Variants in POLQ observed in about 807,000 individuals in gnomAD.
POLQ encodes DNA polymerase theta, also known as epididymis secretory sperm binding protein.
Under a neutral mutation model 259.2 loss-of-function variants are expected in POLQ, and 233 were observed. The observed-to-expected ratio is 0.90, with a 90% CI of 0.81 to 1.00. The LOEUF is 1.00. Ranked by LOEUF, POLQ falls within the 50% of genes least tolerant of loss-of-function variation. The pLI, the probability that POLQ is intolerant of heterozygous loss-of-function variation, is 0.00. For synonymous variants in POLQ, 1,025 were observed against 1,048.8 expected (o/e 0.98, Z 0.44); for missense variants, 2,871 against 3,051.6 (o/e 0.94, Z 1.39).
chr3:121,480,267 A>G (rs2047960150), intron 19 of POLQ, among the ~76,000 whole-genome samples: 1 of 152,130 alleles, frequency 6.6e-6, no homozygotes, highest in African/African-American at 2.4e-5. Context: ...CAGTTAAAAT[A>G]TCTTTCTATG....
intron 14 of POLQ, 110 bp downstream of exon 14, chr3:121,496,698 T>C: frequency 8.9e-7 from 1 of 1,119,740 alleles, no homozygotes; most frequent in Non-Finnish European, 1.3e-6. Flanking sequence ...TACAAAGTTT[T>C]AGCACTTTTA....
chr3:121,522,347 C>A (rs1471170946), intron 7 of POLQ, among the ~76,000 whole-genome samples, 198 bp from the exon 8 acceptor site: 1 of 87,646 alleles, frequency 1.1e-5, no homozygotes, highest in East Asian at 5.2e-4. Context: ...CTCTGTCGCC[C>A]AGGCCGGACT....
At chr3:121,454,332 C>A (rs1307810797) in intron 25 of POLQ, among the ~76,000 whole-genome samples, 10 of 152,134 alleles carry the variant, frequency 6.6e-5, no homozygotes, top group Non-Finnish European at 1.5e-4. Flanking sequence ...AACTAATGAG[C>A]AAAATAACCA....
At chr3:121,442,599 C>T (rs1285847144) in intron 26 of POLQ, among the ~76,000 whole-genome samples, 2 of 152,112 alleles carry the variant, frequency 1.3e-5, no homozygotes, top group East Asian at 3.9e-4. Context: ...CAGTTCCATC[C>T]CTGTTGTTGC....
At chr3:121,516,479 C>T (rs1055164613) in intron 9 of POLQ, among the ~76,000 whole-genome samples, 6 of 152,092 alleles carry the variant, frequency 3.9e-5, no homozygotes, top group Non-Finnish European at 7.4e-5. Flanking sequence ...CCTGAATGGG[C>T]AAGGTTTATA....
At chr3:121,454,993 C>A (rs2047719922) in intron 25 of POLQ, among the ~76,000 whole-genome samples, 1 of 152,122 alleles carries the variant, frequency 6.6e-6, no homozygotes. Flanking sequence ...TATAGCACTC[C>A]TCAGCAAATG....
At chr3:121,455,776 T>C (rs1265288989) in intron 25 of POLQ, among the ~76,000 whole-genome samples, 3 of 152,164 alleles carry the variant, frequency 2.0e-5, no homozygotes, top group African/African-American at 7.2e-5. Context: ...CAGGACCAGA[T>C]GGATTCACAG....
chr3:121,435,674 A>G (rs1179373014), intron 28 of POLQ, among the ~76,000 whole-genome samples: 1 of 152,228 alleles, frequency 6.6e-6, no homozygotes, highest in Non-Finnish European at 1.5e-5. Flanking sequence ...AGAGTTTCCC[A>G]AAGAGGGTTA....
chr3:121,463,874 G>A (rs1366953346), intron 24 of POLQ, among the ~76,000 whole-genome samples: 1 of 152,006 alleles, frequency 6.6e-6, no homozygotes, highest in Non-Finnish European at 1.5e-5. Flanking sequence ...CATCAAAAGT[G>A]TTACAATACA....
chr3:121,450,239 AT>A (rs1442093693), intron 25 of POLQ, among the ~76,000 whole-genome samples: 2 of 152,230 alleles, frequency 1.3e-5, no homozygotes, highest in African/African-American at 4.8e-5. Context: ...TATAAATATC[AT>A]TAAATAAAAT....
At chr3:121,463,304 GA>G (rs1425788357) in intron 24 of POLQ, among the ~76,000 whole-genome samples, 1 of 152,180 alleles carries the variant, frequency 6.6e-6, no homozygotes, top group Non-Finnish European at 1.5e-5. Context: ...AAGATGTCAA[GA>G]TGTCCCTTTG....
Position 121,529,794 on chromosome 3 carries a change from TA to T in POLQ, c.961-3del. 6.2e-7 allele frequency: 1 copy of T among 1,601,260 alleles called. No individual in the cohort carries two copies. The highest frequency in any genetic ancestry group is 8.5e-7 in the Non-Finnish European group (1 of 1,175,102). On this transcript the variant is annotated splice_region_variant and splice_polypyrimidine_tract_variant and intron_variant, in intron 6 of 29. Coordinates refer to ENST00000264233, the MANE Select transcript of POLQ (RefSeq NM_199420.4). ...ACTAACAACATGGTCCTCATCTCCCTAAAACAGAAAGATAAATAACCACTTT... is the reference window on the plus strand; with the variant it reads ...ACTAACAACATGGTCCTCATCTCCCTAAACAGAAAGATAAATAACCACTTT...
At chr3:121,447,666 T>C (rs2047642880) in intron 26 of POLQ, among the ~76,000 whole-genome samples, 1 of 152,224 alleles carries the variant, frequency 6.6e-6, no homozygotes, top group South Asian at 2.1e-4. Flanking sequence ...AGGTTATTTG[T>C]TATTGCTCAT....
In POLQ at chr3:121,509,620, C is replaced by G; in HGVS notation, c.1900G>C (p.Asp634His). ...AAGCCCTTCATTGCTCTTTGCAGGT[C>G]AGCAAAAATATCTAAAGTATCAGCT... ...SPADTLDIFADLQRAMKGFVL... is the reference protein window; with the variant it reads ...SPADTLDIFAHLQRAMKGFVL... The change falls in exon 12 of 30, where the codon GAC becomes CAC. Residue 634 changes from aspartate (D) to histidine (H), a missense_variant. Asp to His is a moderately conservative substitution (Grantham distance 81). Coordinates refer to ENST00000264233, the MANE Select transcript of POLQ (RefSeq NM_199420.4). 6.2e-7 allele frequency: 1 copy of G among 1,613,668 alleles called. No homozygotes were observed. The highest frequency in any genetic ancestry group is 8.5e-7 in the Non-Finnish European group (1 of 1,179,680).
chr3:121,522,076 T>C lies in POLQ; in HGVS notation c.1182A>G (p.Leu394=). 1 of 1,610,860 alleles carries C rather than the reference T, an allele frequency of 6.2e-7. No homozygotes were observed. The highest frequency in any genetic ancestry group is 8.5e-7 in the Non-Finnish European group (1 of 1,177,948). Residue 394 remains leucine (L), a synonymous_variant, in exon 8 of 30, where the codon TTA becomes TTG. Transcript: ENST00000264233. ...QKELLEVMDQ[L]RRLPSGLDSV... is the part of the protein sequence containing the mutation. Reference sequence around the variant, plus strand: ...AGTCCAGTCCTGAAGGCAAACGTCTTAACTGATCCATCACTTCCAGGAGTT... The same window carrying C: ...AGTCCAGTCCTGAAGGCAAACGTCTCAACTGATCCATCACTTCCAGGAGTT...
At chr3:121,524,937 TACACACACACACAC>T (rs33965431) in intron 7 of POLQ, among the ~76,000 whole-genome samples, 11 of 148,636 alleles carry the variant, frequency 7.4e-5, no homozygotes, top group South Asian at 6.4e-4. Context: ...TGTGTATAAA[TACACACACACACAC>T]ACACACACAC....
chr3:121,527,261 C>T, intron 7 of POLQ, among the ~76,000 whole-genome samples: 1 of 152,108 alleles, frequency 6.6e-6, no homozygotes, highest in East Asian at 1.9e-4. Flanking sequence ...AGGGTTTCAC[C>T]ATGTTGTCCA....
At chr3:121,454,135 T>A (rs1011998986) in intron 25 of POLQ, among the ~76,000 whole-genome samples, 2 of 152,116 alleles carry the variant, frequency 1.3e-5, no homozygotes, top group Non-Finnish European at 2.9e-5. Context: ...CAAACTAAGC[T>A]TCATTAAGTG....
At chr3:121,529,961 ACTC>A (rs939151601) in intron 6 of POLQ, among the ~76,000 whole-genome samples, 169 bp from the exon 7 acceptor site, 1 of 152,308 alleles carries the variant, frequency 6.6e-6, no homozygotes, top group Admixed American at 6.5e-5. Context: ...GAAAAAATAA[ACTC>A]CTAATGATGA....
Sources: gnomAD v4.1 joint callset for allele counts (sites outside exome capture counted in the v4.1 genomes callset) on GRCh38, gnomAD v4.1.1 for gene constraint, MANE v1.5 for transcripts, NCBI Gene and HGNC (gene_info 2026-07-23, HGNC 2026-07-21) for gene names.